KCNIP1: variants seen among roughly 807,000 people sequenced by gnomAD.
KCNIP1 encodes A-type potassium channel modulatory protein KCNIP1.
In KCNIP1, 18 loss-of-function variants were observed where a neutral mutation model predicts 33.0. The ratio of observed to expected loss-of-function variants is 0.55; its 90% CI spans 0.38 to 0.81. The LOEUF is 0.81. Among genes scored for constraint, KCNIP1 ranks in the 30% least tolerant of loss-of-function variants. The pLI, the probability that KCNIP1 is intolerant of heterozygous loss-of-function variation, is 0.00. For synonymous variants in KCNIP1, 93 were observed against 98.3 expected (o/e 0.95, Z 0.32); for missense variants, 238 against 271.6 (o/e 0.88, Z 0.87).
intron 1 of KCNIP1, among the ~76,000 whole-genome samples, chr5:170,368,926 C>G (rs1171073604): frequency 6.6e-6 from 1 of 152,182 alleles, no homozygotes; most frequent in African/African-American, 2.4e-5. Flanking sequence ...GCCTAACTCT[C>G]AAATGGTTCA....
At chr5:170,562,257 C>G (rs1432770755) in intron 1 of KCNIP1, among the ~76,000 whole-genome samples, 1 of 152,202 alleles carries the variant, frequency 6.6e-6, no homozygotes, top group Non-Finnish European at 1.5e-5. Context: ...GAATACTGGA[C>G]AGAGGGCCCA....
chr5:170,446,802 C>T (rs887675870), intron 1 of KCNIP1, among the ~76,000 whole-genome samples: 11 of 152,130 alleles, frequency 7.2e-5, no homozygotes, highest in African/African-American at 2.7e-4. Context: ...TGCCACATGT[C>T]CAAATCTCCA....
At chr5:170,610,051 G>C (rs6870612) in intron 1 of KCNIP1, among the ~76,000 whole-genome samples, 27,517 of 152,140 alleles carry the variant, frequency 0.18, 2,696 homozygotes, top group Middle Eastern at 0.25. Flanking sequence ...AAGAAAACAA[G>C]ATCTGTTAGG....
intron 1 of KCNIP1, among the ~76,000 whole-genome samples, chr5:170,357,612 C>T (rs889599835): frequency 1.3e-5 from 2 of 152,206 alleles, no homozygotes; most frequent in Non-Finnish European, 2.9e-5. Context: ...TCACTGCAGC[C>T]TCGACTTTCT....
chr5:170,435,972 G>A (rs561535127), intron 1 of KCNIP1, among the ~76,000 whole-genome samples: 8 of 152,230 alleles, frequency 5.3e-5, no homozygotes, highest in African/African-American at 1.9e-4. Flanking sequence ...ATCTCAATCA[G>A]ACACCCACAT....
At chr5:170,645,453 C>T (rs918329294) in intron 1 of KCNIP1, among the ~76,000 whole-genome samples, 12 of 152,144 alleles carry the variant, frequency 7.9e-5, no homozygotes, top group African/African-American at 1.2e-4. Flanking sequence ...ACCTAACAAC[C>T]GAGGGTCAAC....
intron 1 of KCNIP1, chr5:170,669,469 ATTTAATAAATATTCATTTTCTT>A: frequency 1.1e-6 from 1 of 946,180 alleles, no homozygotes; most frequent in Non-Finnish European, 1.3e-6. Flanking sequence ...ATAGAGTGGT[ATTTAATAAATATTCATTTTCTT>A]TCCCCAGAAC....
At chr5:170,525,180 CTG>C (rs1445750852) in intron 1 of KCNIP1, among the ~76,000 whole-genome samples, 1 of 152,238 alleles carries the variant, frequency 6.6e-6, no homozygotes, top group Admixed American at 6.5e-5. Flanking sequence ...TTGGAAATAG[CTG>C]TGTCCGTAGG....
In KCNIP1 at chr5:170,554,161, G is replaced by A. The variant is rs148988607; in HGVS notation, c.61+49528G>A. Among the ~76,000 whole-genome samples, 940 of 151,796 alleles carry A rather than the reference G, an allele frequency of 6.2e-3. 16 individuals carry two copies. Among genetic ancestry groups the A allele is most frequent in the African/African-American group, 0.021 (876 of 41,334 alleles). On this transcript the variant is annotated intron_variant, in intron 1 of 7. Coordinates refer to ENST00000328939, the MANE Select transcript of KCNIP1 (RefSeq NM_014592.4). ...TTTTTTTTTTAATTTTTTAAAAATC[G>A]TGTGTATCCCAAAGAAAATATTATC... is the stretch of plus-strand genomic sequence containing the variant.
rs139547634 is a variant in KCNIP1 at position 170,514,018 on chromosome 5, G to A, written c.61+9385G>A. ...GATTGGCTAGTGATTAGTAAGCAAG[G>A]ACTTGAAGTGGATCTGATTGCGAGG... is the stretch of plus-strand genomic sequence containing the variant. On this transcript the variant is annotated intron_variant, in intron 1 of 7. Transcript: ENST00000328939. 6.2e-3 allele frequency among the ~76,000 whole-genome samples: 945 copies of A among 152,308 alleles called. 6 individuals are homozygous for A. Among genetic ancestry groups the A allele is most frequent in the Non-Finnish European group, 6.1e-3 (414 of 68,026 alleles).
chr5:170,429,862 A>G (rs1183057082), intron 1 of KCNIP1, among the ~76,000 whole-genome samples: 1 of 152,172 alleles, frequency 6.6e-6, no homozygotes, highest in African/African-American at 2.4e-5. Context: ...AAACTAACAA[A>G]CCTTTGTGAA....
chr5:170,473,304 T>C (rs1756778400), intron 1 of KCNIP1, among the ~76,000 whole-genome samples: 1 of 152,236 alleles, frequency 6.6e-6, no homozygotes, highest in Non-Finnish European at 1.5e-5. Flanking sequence ...TGTTGTCATA[T>C]GTATTAGCTG....
chr5:170,637,123 A>G (rs1435914918), intron 1 of KCNIP1, among the ~76,000 whole-genome samples: 1 of 152,242 alleles, frequency 6.6e-6, no homozygotes, highest in Admixed American at 6.5e-5. Flanking sequence ...TGACAACAGC[A>G]TCGATTCCAG....
chr5:170,518,859 A>G (rs1184943443), intron 1 of KCNIP1, among the ~76,000 whole-genome samples: 2 of 152,164 alleles, frequency 1.3e-5, no homozygotes, highest in East Asian at 3.8e-4. Flanking sequence ...GGAGAGTCCA[A>G]GCCTCCCTCC....
chr5:170,721,719 C>G, intron 3 of KCNIP1, 114 bp from the exon 4 acceptor site: 1 of 1,612,188 alleles, frequency 6.2e-7, no homozygotes, highest in Non-Finnish European at 8.5e-7. Flanking sequence ...TTCTCCTTTC[C>G]ATCACCCTAG....
intron 1 of KCNIP1, chr5:170,377,515 A>C (rs1406560529): frequency 1.3e-5 from 2 of 151,914 alleles, no homozygotes; most frequent in African/African-American, 4.9e-5. Context: ...CCTCAATTTA[A>C]ATAACAAATC....
chr5:170,491,345 C>T (rs540912220), intron 1 of KCNIP1, among the ~76,000 whole-genome samples: 1 of 152,256 alleles, frequency 6.6e-6, no homozygotes, highest in South Asian at 2.1e-4. Context: ...ACAAGGTTAC[C>T]TAGTGCAGAC....
intron 1 of KCNIP1, among the ~76,000 whole-genome samples, chr5:170,359,661 C>T (rs1532950): frequency 0.17 from 26,028 of 152,118 alleles, 2,282 homozygotes; most frequent in African/African-American, 0.19. Flanking sequence ...TCTCCAGCCC[C>T]AAGCTAGAGC....
chr5:170,645,569 G>C (rs1010292827), intron 1 of KCNIP1, among the ~76,000 whole-genome samples: 1 of 152,106 alleles, frequency 6.6e-6, no homozygotes, highest in African/African-American at 2.4e-5. Context: ...GATCCAGCAG[G>C]CAGAAAGTCA....
Sources: gnomAD v4.1 joint callset for allele counts (sites outside exome capture counted in the v4.1 genomes callset) on GRCh38, gnomAD v4.1.1 for gene constraint, MANE v1.5 for transcripts, NCBI Gene and HGNC (gene_info 2026-07-23, HGNC 2026-07-21) for gene names.